The following UBE4A variants were observed in gnomAD, a reference collection of about 807,000 sequenced individuals.
UBE4A encodes the protein ubiquitination factor E4A, also known as ubiquitin conjugation factor E4 A.
A neutral mutation model predicts 117.9 loss-of-function variants in UBE4A; 48 were observed. The ratio of observed to expected loss-of-function variants is 0.41; its 90% confidence interval spans 0.32 to 0.52. The LOEUF (loss-of-function observed/expected upper bound fraction) is 0.52, where lower values mean the gene tolerates loss of function less well. Ranked by LOEUF, UBE4A falls within the 20% of genes least tolerant of loss-of-function variation. The pLI is 0.33. For synonymous variants in UBE4A, 407 were observed against 450.0 expected (o/e 0.90, Z 1.21); for missense variants, 1,067 against 1,296.3 (o/e 0.82, Z 2.72).
At chr11:118,382,482 T>C (rs1388393410) in intron 12 of UBE4A, 107 bp from the exon 13 acceptor site, 4 of 922,554 alleles carry the variant, frequency 4.3e-6, no homozygotes, top group Non-Finnish European at 5.6e-6. Context: ...TCCTTTTTTT[T>C]CCTGTAATAT....
chr11:118,394,962 G>A (rs1029612358), intron 19 of UBE4A, among the ~76,000 whole-genome samples: 7 of 151,986 alleles, frequency 4.6e-5, no homozygotes, highest in Admixed American at 2.6e-4. Context: ...GCAAGACACC[G>A]TCTCTAAATA....
intron 9 of UBE4A, 26 bp downstream of exon 9, chr11:118,375,255 A>C: frequency 6.6e-7 from 1 of 1,514,314 alleles, no homozygotes; most frequent in Non-Finnish European, 9.0e-7. Flanking sequence ...GCTTCTCAAA[A>C]CTGTGTGTGT....
chr11:118,385,302 C>G (rs1948746118), intron 15 of UBE4A, among the ~76,000 whole-genome samples: 2 of 152,252 alleles, frequency 1.3e-5, no homozygotes, highest in Admixed American at 1.3e-4. Flanking sequence ...TGACTTTCAA[C>G]CCTTTTAATC....
Position 118,384,673 on chromosome 11 carries a change from C to T in UBE4A, c.2236C>T (p.Arg746Cys), listed in dbSNP as rs782479213. ...HQFEQKFNYR[R>C]PMYPILRYMW... Reference sequence around the variant, plus strand: ...ATTTGAACAGAAGTTTAATTACCGCCGTCCCATGTATCCTATCCTAAGATA... The same window carrying T: ...ATTTGAACAGAAGTTTAATTACCGCTGTCCCATGTATCCTATCCTAAGATA... Residue 746 changes from arginine (R) to cysteine (C), a missense_variant, in exon 14 of 20, where the codon CGT (arginine) becomes TGT (cysteine). Physicochemically the swap from Arg to Cys is radical, Grantham distance 180. This residue lies in a region of UBE4A where 1,001 missense variants were observed against 1,184.0 expected (regional missense o/e 0.85). Transcript: ENST00000252108. 6 of 1,613,974 alleles carry T rather than the reference C, an allele frequency of 3.7e-6. No homozygotes were observed. Among genetic ancestry groups the T allele is most frequent in the Admixed American group, 1.7e-5 (1 of 59,982 alleles).
intron 2 of UBE4A, among the ~76,000 whole-genome samples, chr11:118,367,518 CTTTT>C (rs36110679): frequency 2.4e-5 from 3 of 123,296 alleles, no homozygotes; most frequent in African/African-American, 3.2e-5. Context: ...TAAATGTTAA[CTTTT>C]TTTTTTTTTT....
chr11:118,392,214 A>T (rs1353855536), intron 18 of UBE4A, among the ~76,000 whole-genome samples: 1 of 152,150 alleles, frequency 6.6e-6, no homozygotes, highest in African/African-American at 2.4e-5. Context: ...GTTGGACTTC[A>T]TCTTTGTTTA....
intron 11 of UBE4A, among the ~76,000 whole-genome samples, chr11:118,380,076 A>G (rs1948687495): frequency 6.6e-6 from 1 of 151,718 alleles, no homozygotes; most frequent in African/African-American, 2.4e-5. Flanking sequence ...CTTTTTGTAG[A>G]AAAAAAATTA....
intron 19 of UBE4A, among the ~76,000 whole-genome samples, chr11:118,396,056 C>T (rs1352948378): frequency 6.7e-6 from 1 of 150,280 alleles, no homozygotes; most frequent in African/African-American, 2.5e-5. Flanking sequence ...TCCTGGGTGC[C>T]ACTGCACCAG....
At chr11:118,359,757 C>G (rs930540770) in intron 1 of UBE4A, 83 bp downstream of exon 1, 2 of 152,386 alleles carry the variant, frequency 1.3e-5, no homozygotes, top group Non-Finnish European at 2.9e-5. Flanking sequence ...CACTTCAAGC[C>G]TGTTCACTCT....
In UBE4A at chr11:118,386,471, A is replaced by G; in HGVS notation, c.2446A>G (p.Lys816Glu). ...CAAGATAAAGATTCAGCAAATTGAG[A>G]AGGATCGAGGTGAATGGGATAGTCT... ...LSKIKIQQIEKDRGEWDSLTP... is the reference protein window; with the variant it reads ...LSKIKIQQIEEDRGEWDSLTP... Residue 816 changes from lysine to glutamate, a missense_variant, in exon 16 of 20, where the codon AAG (lysine) becomes GAG (glutamate). By Grantham distance (56) the Lys-to-Glu change is moderately conservative. Transcript: ENST00000252108. 1 of 1,607,800 alleles carries G rather than the reference A, an allele frequency of 6.2e-7. No individual in the cohort carries two copies.
At chr11:118,376,191 C>T (rs7933963) in intron 9 of UBE4A, among the ~76,000 whole-genome samples, 33,588 of 152,068 alleles carry the variant, frequency 0.22, 4,185 homozygotes, top group East Asian at 0.52. Flanking sequence ...AAATGACTCA[C>T]AGTCCTACCA....
chr11:118,385,436 G>C (rs1284058530), intron 15 of UBE4A, among the ~76,000 whole-genome samples: 5 of 152,098 alleles, frequency 3.3e-5, no homozygotes, highest in Non-Finnish European at 7.3e-5. Flanking sequence ...TCATATAAAG[G>C]CTCCAAGTTG....
chr11:118,387,575 C>T (rs906728084), intron 16 of UBE4A, among the ~76,000 whole-genome samples: 12 of 152,250 alleles, frequency 7.9e-5, no homozygotes, highest in Admixed American at 7.8e-4. Context: ...ATCCCCAAGA[C>T]TCAAAGACAG....
Position 118,359,643 on chromosome 11 carries a change from T to C in UBE4A, c.-73T>C, listed in dbSNP as rs1000894846. On this transcript the variant is annotated 5_prime_UTR_variant, in exon 1 of 20. Coordinates refer to ENST00000252108, the MANE Select transcript of UBE4A (RefSeq NM_001204077.2). ...GAACCCTTCGGCCGCTGAGATTCTG[T>C]CGTGTCGTCGCTGCTGGCACTTCAG... The C allele has an allele frequency of 6.6e-6, 1 of 152,362 alleles. No individual in the cohort carries two copies. The highest frequency in any genetic ancestry group is 1.9e-4 in the East Asian group (1 of 5,190). The allele number at this position is 152,362 out of a possible 1,614,324, so 9.4% of individuals were successfully genotyped here.
chr11:118,371,805 C>T, intron 5 of UBE4A, 139 bp downstream of exon 5: 1 of 878,202 alleles, frequency 1.1e-6, no homozygotes, highest in Non-Finnish European at 1.6e-6. Flanking sequence ...GACACTAAAG[C>T]TTTTATATCA....
rs573784983 is a variant in UBE4A, at chr11:118,375,279, G to A, written c.1450+50G>A. The stretch of plus-strand genomic sequence containing the variant: ...AACTGTGTGTGTGTGTGTGTGTAAC[G>A]TGTAAAGCATTCACTCCCTTATCCT... On this transcript the variant is annotated intron_variant, in intron 9 of 19. Transcript: ENST00000252108. 3.1e-5 allele frequency: 45 copies of A among 1,450,052 alleles called. No homozygotes were observed. The East Asian group carries it at 6.7e-4, about 22-fold the overall frequency. The allele number at this position is 1,450,052 out of a possible 1,614,324, so 89.8% of individuals were successfully genotyped here.
Position 118,389,906 on chromosome 11 carries a change from G to T in UBE4A, c.2768+1G>T. ...TCTGCACTATCTACTTAAATCTTGG[G>T]TACCTGAGATTGAAATCTGTCAAGC... is the stretch of plus-strand genomic sequence containing the variant. On this transcript the variant is annotated splice_donor_variant, in intron 17 of 19. Coordinates refer to ENST00000252108, the MANE Select transcript of UBE4A (RefSeq NM_001204077.2). LOFTEE classifies it high-confidence loss of function. 1 of 1,570,284 alleles carries T rather than the reference G, an allele frequency of 6.4e-7. No homozygotes were observed. The highest frequency in any genetic ancestry group is 8.7e-7 in the Non-Finnish European group (1 of 1,147,522).
intron 1 of UBE4A, among the ~76,000 whole-genome samples, chr11:118,362,432 A>G (rs1383222042): frequency 6.6e-6 from 1 of 152,144 alleles, no homozygotes; most frequent in African/African-American, 2.4e-5. Context: ...CCTTCTTGAT[A>G]GTCTTAAGAG....
chr11:118,393,438 A>G (rs1006328994), intron 19 of UBE4A, among the ~76,000 whole-genome samples: 43 of 152,090 alleles, frequency 2.8e-4, no homozygotes, highest in African/African-American at 1.0e-3. Context: ...AACTGGGACT[A>G]CAGGCATGCA....
Sources: gnomAD v4.1 joint callset for allele counts (sites outside exome capture counted in the v4.1 genomes callset) on GRCh38, gnomAD v4.1.1 for gene constraint, gnomAD v4.1.1 regional missense constraint, MANE v1.5 for transcripts, NCBI Gene and HGNC (gene_info 2026-07-23, HGNC 2026-07-21) for gene names.